Variants in MTG1 observed in about 807,000 individuals in gnomAD.
MTG1 encodes mitochondrial ribosome associated GTPase 1.
Under a neutral mutation model 39.5 loss-of-function variants are expected in MTG1, and 30 were observed. That is an observed-to-expected ratio of 0.76 (90% confidence interval 0.57 to 1.03). The LOEUF (loss-of-function observed/expected upper bound fraction) is 1.03. MTG1 is among the 50% of genes least tolerant of loss of function. The pLI is 0.00. For missense variants in MTG1, 513 were observed against 447.4 expected, an observed-to-expected ratio of 1.15 and a Z score of -1.32; for synonymous variants, 217 against 179.0, an observed-to-expected ratio of 1.21 and a Z score of -1.69.
chr10:133,397,799 T>G (rs1015870331), intron 3 of MTG1, among the ~76,000 whole-genome samples: 1 of 148,444 alleles, frequency 6.7e-6, no homozygotes, highest in Non-Finnish European at 1.5e-5. Context: ...TTTTTTTAAA[T>G]CATCGCAAGT....
intron 9 of MTG1, among the ~76,000 whole-genome samples, chr10:133,415,988 C>G (rs372951247): frequency 0.17 from 18,128 of 104,562 alleles, 992 homozygotes; most frequent in Middle Eastern, 0.25. Context: ...GGTGTCGGCA[C>G]GCGGGTGTCG....
intron 9 of MTG1, among the ~76,000 whole-genome samples, chr10:133,411,567 C>T (rs543537167): frequency 6.6e-6 from 1 of 152,088 alleles, no homozygotes; most frequent in Admixed American, 6.6e-5. Flanking sequence ...CTTCTTGAAC[C>T]CCAGTAATTC....
rs564728430 is a variant in MTG1, at chr10:133,417,901, C to T, written c.753-1579C>T. ...AATACAAACAAATGGAAGAACATTC[C>T]ATGCTCATTGGTAGGAAGAATCAAT... On this transcript the variant is annotated intron_variant, in intron 9 of 10. Transcript: ENST00000317502. 1.6e-4 allele frequency among the ~76,000 whole-genome samples: 25 copies of T among 152,330 alleles called. No individual in the cohort carries two copies. The South Asian group carries it at 4.4e-3, about 27-fold the overall frequency.
At chr10:133,399,052 C>G (rs553637568) in intron 4 of MTG1, 118 bp from the exon 5 acceptor site, 19 of 1,125,220 alleles carry the variant, frequency 1.7e-5, no homozygotes, top group Middle Eastern at 4.0e-4. Context: ...GTTTTCCTAA[C>G]GGATATGTGA....
intron 3 of MTG1, among the ~76,000 whole-genome samples, chr10:133,397,566 C>T (rs953080228): frequency 1.6e-4 from 24 of 151,530 alleles, no homozygotes; most frequent in Admixed American, 7.9e-4. Context: ...GCAAGCTCTG[C>T]CTCCCGGGTT....
At chr10:133,405,157 A>G (rs1849951269) in intron 9 of MTG1, among the ~76,000 whole-genome samples, 1 of 152,176 alleles carries the variant, frequency 6.6e-6, no homozygotes, top group South Asian at 2.1e-4. Context: ...CCGTGAATAT[A>G]GTGTATCTCT....
intron 4 of MTG1, 110 bp downstream of exon 4, chr10:133,398,625 G>A (rs1454688294): frequency 7.7e-7 from 1 of 1,292,420 alleles, no homozygotes; most frequent in Non-Finnish European, 1.1e-6. Flanking sequence ...AAAGATCCTA[G>A]GTGTTGGTTT....
chr10:133,397,160 G>C (rs1191692843), intron 3 of MTG1, among the ~76,000 whole-genome samples: 2 of 152,228 alleles, frequency 1.3e-5, no homozygotes, highest in Non-Finnish European at 2.9e-5. Context: ...CTGTCTTTTA[G>C]ATAGCAGTAG....
chr10:133,397,179 G>A (rs2133491820), intron 3 of MTG1, among the ~76,000 whole-genome samples: 1 of 152,330 alleles, frequency 6.6e-6, no homozygotes, highest in East Asian at 1.9e-4. Context: ...AGCAAAATTA[G>A]TGAAAGTACC....
At chr10:133,401,882 C>G (rs1028883314) in intron 7 of MTG1, 1 of 608,188 alleles carries the variant, frequency 1.6e-6, no homozygotes, top group Non-Finnish European at 2.9e-6. Flanking sequence ...CGCCCCCCGC[C>G]CCACCCTCCA....
chr10:133,399,102 G>A, intron 4 of MTG1, 68 bp from the exon 5 acceptor site: 1 of 1,545,176 alleles, frequency 6.5e-7, no homozygotes, highest in Admixed American at 1.7e-5. Flanking sequence ...TTCTGAGGTG[G>A]CAGAAGGAGC....
intron 1 of MTG1, 151 bp downstream of exon 1, chr10:133,394,483 A>G (rs1589906261): frequency 3.8e-6 from 5 of 1,309,710 alleles, no homozygotes; most frequent in African/African-American, 3.3e-5. Context: ...CCCCGCTCTC[A>G]CCCGCTCCCG....
chr10:133,396,030 C>T (rs1234342154), intron 2 of MTG1, 133 bp from the exon 3 acceptor site: 15 of 894,046 alleles, frequency 1.7e-5, no homozygotes, highest in South Asian at 4.5e-5. Flanking sequence ...TTTAAATGTT[C>T]CTGCCAACTG....
In MTG1 at chr10:133,401,601, CAG is replaced by C. The variant is rs750820742; in HGVS notation, c.573+12_573+13del. 17 of 1,613,468 alleles carry C rather than the reference CAG, an allele frequency of 1.1e-5. No homozygotes were observed. Among genetic ancestry groups the C allele is most frequent in the Middle Eastern group, 3.3e-4 (2 of 6,078 alleles). On this transcript the variant is annotated intron_variant, in intron 7 of 10. Coordinates refer to ENST00000317502, the MANE Select transcript of MTG1 (RefSeq NM_138384.4). Reference sequence around the variant, plus strand: ...ATGTCCAAAATTCAGGTGGAGTCCTCAGGGGCCAGGCCCAGCACTCTGTCAAG... The same window carrying C: ...ATGTCCAAAATTCAGGTGGAGTCCTCGGGCCAGGCCCAGCACTCTGTCAAG...
At chr10:133,404,764 A>G (rs1849945558) in intron 9 of MTG1, among the ~76,000 whole-genome samples, 1 of 152,080 alleles carries the variant, frequency 6.6e-6, no homozygotes, top group South Asian at 2.1e-4. Flanking sequence ...CACATGGAGA[A>G]CCAGTTGTTC....
chr10:133,395,782 C>A lies in MTG1; in HGVS notation c.177+5C>A. On this transcript the variant is annotated splice_donor_5th_base_variant and intron_variant, in intron 2 of 10. Transcript: ENST00000317502. Reference sequence around the variant, plus strand: ...ATCGAGGTCCACGATGCCCGGATATCCTTTCACAGAGCAGGGGAGGCCCCT... The same window carrying A: ...ATCGAGGTCCACGATGCCCGGATATACTTTCACAGAGCAGGGGAGGCCCCT... The A allele has an allele frequency of 6.2e-7, 1 of 1,613,840 alleles. No individual in the cohort carries two copies. The highest frequency in any genetic ancestry group is 8.5e-7 in the Non-Finnish European group (1 of 1,179,826).
chr10:133,418,375 G>C (rs1192908875), intron 9 of MTG1, among the ~76,000 whole-genome samples: 1 of 151,796 alleles, frequency 6.6e-6, no homozygotes, highest in Non-Finnish European at 1.5e-5. Flanking sequence ...AAATTCTTGA[G>C]CTTTGTTGTG....
chr10:133,405,713 A>G (rs1849960166), intron 9 of MTG1, among the ~76,000 whole-genome samples: 1 of 152,182 alleles, frequency 6.6e-6, no homozygotes, highest in Non-Finnish European at 1.5e-5. Flanking sequence ...TTTATGTACC[A>G]CATTTTCTGT....
chr10:133,402,682 G>C lies in MTG1; in HGVS notation c.671-10G>C, dbSNP rs201755637. The C allele has an allele frequency of 2.4e-4, 387 of 1,598,624 alleles. No individual in the cohort carries two copies. The highest frequency in any genetic ancestry group is 3.2e-4 in the Non-Finnish European group (370 of 1,172,906). On this transcript the variant is annotated splice_polypyrimidine_tract_variant and intron_variant, in intron 8 of 10. Transcript: ENST00000317502. This position sits in a 1 kb window ranked among gnomAD's most constrained non-coding sequence, Gnocchi z 4.7. Reference sequence around the variant, plus strand: ...GTTTCCAGTGCTCACCTCGGCTGCTGCTTCCACAGGAACGGTGCTGGACCA... The same window carrying C: ...GTTTCCAGTGCTCACCTCGGCTGCTCCTTCCACAGGAACGGTGCTGGACCA...
Sources: allele counts gnomAD v4.1 joint callset (sites outside exome capture counted in the v4.1 genomes callset), GRCh38; gene constraint gnomAD v4.1.1; non-coding constraint Gnocchi (gnomAD v3.1); transcripts MANE v1.5; gene names NCBI Gene and HGNC (gene_info 2026-07-23, HGNC 2026-07-21).